CEP85L: variants seen among roughly 807,000 people sequenced by gnomAD.
CEP85L encodes centrosomal protein of 85 kDa-like.
Under a neutral mutation model 100.3 loss-of-function variants are expected in CEP85L, and 60 were observed. That is an observed-to-expected ratio of 0.60 (90% CI 0.49 to 0.74). The LOEUF (loss-of-function observed/expected upper bound fraction) is 0.74, where lower values mean the gene tolerates loss of function less well. CEP85L is among the 30% of genes least tolerant of loss of function. The probability of loss-of-function intolerance (pLI) is 0.00; values close to 1 mark genes in which losing one functional copy is unlikely to be tolerated. For missense variants in CEP85L, 973 were observed against 936.2 expected (o/e 1.04, Z -0.51); for synonymous variants, 319 against 322.7 (o/e 0.99, Z 0.12).
intron 3 of CEP85L, among the ~76,000 whole-genome samples, 172 bp from the exon 4 acceptor site, chr6:118,524,092 A>C (rs964529183): frequency 8.5e-5 from 13 of 152,212 alleles, no homozygotes; most frequent in African/African-American, 3.1e-4. Context: ...ATTTCAAGGA[A>C]GTTCTAAAGG....
chr6:118,632,708 A>G (rs1774244849), intron 1 of CEP85L, 97 bp from the exon 2 acceptor site: 1 of 909,326 alleles, frequency 1.1e-6, no homozygotes, highest in Non-Finnish European at 1.6e-6. Context: ...TATAAAAGGT[A>G]TAAAAGGTTC....
chr6:118,587,156 C>T (rs569414353), intron 2 of CEP85L, among the ~76,000 whole-genome samples: 40 of 152,278 alleles, frequency 2.6e-4, no homozygotes, highest in African/African-American at 9.1e-4. Context: ...TATAGTTACC[C>T]GGAACTCACC....
Position 118,651,191 on chromosome 6 carries a change from C to T in CEP85L, c.73+6G>A. The T allele has an allele frequency of 6.7e-7, 1 of 1,495,596 alleles. No homozygotes were observed. The highest frequency in any genetic ancestry group is 8.9e-7 in the Non-Finnish European group (1 of 1,129,374). The allele number at this position is 1,495,596 out of a possible 1,614,324, so 92.6% of individuals were successfully genotyped here. A position where few individuals can be genotyped will look rare whatever the true frequency, so the allele number is the denominator to read the frequency against. The stretch of plus-strand genomic sequence containing the variant: ...ACCCCAGCCGGGGCGCTGTCCCGTT[C>T]CTTACCGGCAGGGAAGCTGCGGGCT... On this transcript the variant is annotated splice_donor_region_variant and intron_variant, in intron 1 of 12. Coordinates refer to ENST00000368491, the MANE Select transcript of CEP85L (RefSeq NM_001042475.3).
chr6:118,579,059 C>T (rs1032133974), intron 2 of CEP85L, among the ~76,000 whole-genome samples: 2 of 152,108 alleles, frequency 1.3e-5, no homozygotes, highest in African/African-American at 4.8e-5. Context: ...CAACACCCAG[C>T]TAATATTTGT....
intron 3 of CEP85L, among the ~76,000 whole-genome samples, chr6:118,527,002 C>CTTTTTTTTTTTTTTTTT (rs764883723): frequency 4.1e-5 from 4 of 98,708 alleles, no homozygotes; most frequent in South Asian, 4.1e-4. Flanking sequence ...TTTACTTTTT[C>CTTTTTTTTTTTTTTTTT]TTTTTTTTTT....
chr6:118,489,271 C>CAAA (rs371393488), intron 6 of CEP85L, among the ~76,000 whole-genome samples: 3,858 of 127,224 alleles, frequency 0.03, 101 homozygotes, highest in African/African-American at 0.062. Flanking sequence ...AGCTCTGTCT[C>CAAA]AAAAAAAAAA....
intron 3 of CEP85L, among the ~76,000 whole-genome samples, chr6:118,561,614 A>T (rs778151453): frequency 1.1e-4 from 17 of 152,166 alleles, no homozygotes; most frequent in South Asian, 2.1e-4. Context: ...AAACAATTTT[A>T]AAATGCTTAA....
chr6:118,565,432 A>T, intron 3 of CEP85L, 97 bp downstream of exon 3: 3 of 1,208,264 alleles, frequency 2.5e-6, no homozygotes, highest in Non-Finnish European at 3.5e-6. Flanking sequence ...GGAAATGCAA[A>T]ACAATCTGTG....
chr6:118,548,758 T>C (rs1456539659), intron 3 of CEP85L, among the ~76,000 whole-genome samples: 1 of 152,088 alleles, frequency 6.6e-6, no homozygotes, highest in East Asian at 1.9e-4. Context: ...GCAAAAACAA[T>C]GACTTAATTT....
At chr6:118,588,003 C>G (rs758416879) in intron 2 of CEP85L, among the ~76,000 whole-genome samples, 5 of 152,208 alleles carry the variant, frequency 3.3e-5, no homozygotes, top group African/African-American at 7.2e-5. Flanking sequence ...ACACTTAATC[C>G]TCCCAAGGCA....
At chr6:118,605,241 C>T (rs750549083) in intron 2 of CEP85L, among the ~76,000 whole-genome samples, 8 of 152,170 alleles carry the variant, frequency 5.3e-5, no homozygotes, top group Non-Finnish European at 1.0e-4. Flanking sequence ...GAAGACAGTA[C>T]AGTGCTTCTA....
At chr6:118,499,734 A>G (rs1453888862) in intron 5 of CEP85L, among the ~76,000 whole-genome samples, 4 of 152,202 alleles carry the variant, frequency 2.6e-5, no homozygotes. Flanking sequence ...AGCTTCTTCA[A>G]TTTAATAAAG....
At chr6:118,567,297 A>AC (rs1779611814) in intron 2 of CEP85L, among the ~76,000 whole-genome samples, 2 of 139,680 alleles carry the variant, frequency 1.4e-5, no homozygotes, top group African/African-American at 5.3e-5. Context: ...ATCCATATTC[A>AC]CCCCAAGCTA....
At chr6:118,476,937 A>G (rs1465602902) in intron 10 of CEP85L, among the ~76,000 whole-genome samples, 2 of 152,192 alleles carry the variant, frequency 1.3e-5, no homozygotes, top group Non-Finnish European at 2.9e-5. Context: ...CAATGATAAC[A>G]GCTCACTGAA....
chr6:118,571,159 T>C (rs1779865407), intron 2 of CEP85L, among the ~76,000 whole-genome samples: 2 of 152,134 alleles, frequency 1.3e-5, no homozygotes, highest in Non-Finnish European at 2.9e-5. Context: ...CACTTAAAAA[T>C]GTTATTTTAC....
chr6:118,536,800 G>A (rs184948020), intron 3 of CEP85L, among the ~76,000 whole-genome samples: 3 of 152,250 alleles, frequency 2.0e-5, no homozygotes, highest in African/African-American at 7.2e-5. Context: ...GAACAAAGAA[G>A]CCTTCTATTA....
At chr6:118,690,699 A>G (rs1311296333) in intron 1 of CEP85L, among the ~76,000 whole-genome samples, 1 of 152,250 alleles carries the variant, frequency 6.6e-6, no homozygotes, top group Non-Finnish European at 1.5e-5. Flanking sequence ...AAATTGACTC[A>G]GTAGAAAGAA....
At chr6:118,701,572 T>A (rs920120878) in intron 1 of CEP85L, among the ~76,000 whole-genome samples, 4 of 152,106 alleles carry the variant, frequency 2.6e-5, no homozygotes. Context: ...AAGTGAAACA[T>A]TGAGTATTCA....
intron 2 of CEP85L, among the ~76,000 whole-genome samples, chr6:118,590,044 TACACACACACACAC>T (rs58587419): frequency 6.7e-6 from 1 of 150,200 alleles, no homozygotes. Context: ...TCTCTGCATT[TACACACACACACAC>T]ACACACACAC....
Sources: gnomAD v4.1 joint callset for allele counts (sites outside exome capture counted in the v4.1 genomes callset) on GRCh38, gnomAD v4.1.1 for gene constraint, MANE v1.5 for transcripts, NCBI Gene and HGNC (gene_info 2026-07-23, HGNC 2026-07-21) for gene names.